The following TRPV1 variants were observed in gnomAD, a reference collection of about 807,000 sequenced individuals.
The protein encoded by TRPV1 is OTRPC1.
In TRPV1, 82 loss-of-function variants were observed where a neutral mutation model predicts 82.3. The ratio of observed to expected loss-of-function variants is 1.00; its 90% confidence interval spans 0.83 to 1.20. The LOEUF is 1.20. Ranked by LOEUF, TRPV1 falls within the 50% of genes most tolerant of loss-of-function variation. The pLI, the probability that TRPV1 is intolerant of heterozygous loss-of-function variation, is 0.00. For synonymous variants in TRPV1, 515 were observed against 467.7 expected (o/e 1.10, Z -1.30); for missense variants, 1,067 against 1,096.8 (o/e 0.97, Z 0.38).
chr17:3,582,062 T>C (rs367946360), intron 10 of TRPV1, among the ~76,000 whole-genome samples: 3,548 of 139,184 alleles, frequency 0.025, 122 homozygotes, highest in African/African-American at 0.084. Context: ...TGGTGGCGGG[T>C]GCCTGTAGTC....
In TRPV1 at chr17:3,566,447, T is replaced by C. The variant is rs921103186; in HGVS notation, c.*368A>G. On this transcript the variant is annotated 3_prime_UTR_variant, in exon 17 of 17. Transcript: ENST00000572705. Reference sequence around the variant, plus strand: ...AGGCGGAGGTTGCAGGGAGCCAAAATTGTGCCACTGCATTCCAGCCTGGGT... The same window carrying C: ...AGGCGGAGGTTGCAGGGAGCCAAAACTGTGCCACTGCATTCCAGCCTGGGT... The C allele has an allele frequency of 2.5e-5, 4 of 158,092 alleles. No individual in the cohort carries two copies. The highest frequency in any genetic ancestry group is 7.2e-5 in the African/African-American group (3 of 41,664). The allele number at this position is 158,092 out of a possible 1,614,324, so 9.8% of individuals were successfully genotyped here. A position where few individuals can be genotyped will look rare whatever the true frequency, so the allele number is the denominator to read the frequency against.
rs910574008 is a variant in TRPV1, at chr17:3,592,643, G to A, written c.-33-260C>T. The A allele has an allele frequency of 1.1e-5, 5 of 465,120 alleles. No individual in the cohort carries two copies. The East Asian group carries it at 1.2e-4, about 11-fold the overall frequency. 28.8% of individuals were successfully genotyped at this position (465,120 alleles called of 1,614,324 possible). A position where few individuals can be genotyped will look rare whatever the true frequency, so the allele number is the denominator to read the frequency against. On this transcript the variant is annotated intron_variant, in intron 2 of 16. Transcript: ENST00000572705. ...GCCTGGGAGGGTGGACAGGCCCCCG[G>A]CTCAGAGCCATCTGTGGTTCTGGGT...
intron 2 of TRPV1, among the ~76,000 whole-genome samples, chr17:3,607,431 T>C (rs1198774456): frequency 3.9e-5 from 6 of 152,174 alleles, no homozygotes; most frequent in African/African-American, 9.7e-5. Context: ...AAGGCTAGTA[T>C]TGGATCCTGC....
Position 3,571,562 on chromosome 17 carries a change from A to G in TRPV1, c.2309T>C (p.Val770Ala). 1 of 1,611,626 alleles carries G rather than the reference A, an allele frequency of 6.2e-7. No individual in the cohort carries two copies. The highest frequency in any genetic ancestry group is 8.5e-7 in the Non-Finnish European group (1 of 1,179,024). Residue 770 changes from valine to alanine, a missense_variant, in exon 16 of 17, where the codon GTC becomes GCC. Val to Ala is a moderately conservative substitution (Grantham distance 64, BLOSUM62 0). Transcript: ENST00000572705. ...CAGGGAGAAGCTCAGGGTGCGCTTG[A>G]CGCCCTCACAGTTGCCCGGGTCTTC... ...INEDPGNCEG[V>A]KRTLSFSLRS...
At position 3,584,882 on chromosome 17, in the gene TRPV1, C is replaced by T. The variant is rs941824820; in HGVS notation, c.1383+886G>A. The stretch of plus-strand genomic sequence containing the variant: ...AATTAAGTGTCCTGGGTATCAGACA[C>T]GAAGGACTAAGTCCAGAAGTTTGAT... On this transcript the variant is annotated intron_variant, in intron 9 of 16. Transcript: ENST00000572705. Among the ~76,000 whole-genome samples, 4 of 152,316 alleles carry T rather than the reference C, an allele frequency of 2.6e-5. No homozygotes were observed. In the East Asian group the frequency reaches 5.8e-4, roughly 22 times the overall value.
At chr17:3,589,087 G>A (rs561769832) in intron 7 of TRPV1, 2 of 900,760 alleles carry the variant, frequency 2.2e-6, no homozygotes, top group South Asian at 1.5e-5. Flanking sequence ...AGAGCTGGAG[G>A]CCTGTCACCA....
At chr17:3,593,118 G>C (rs745903661) in intron 2 of TRPV1, among the ~76,000 whole-genome samples, 28,182 of 100,682 alleles carry the variant, frequency 0.28, 3,135 homozygotes, top group Admixed American at 0.32. Context: ...GTGTGTGTGT[G>C]TGTGTGTGTG....
intron 16 of TRPV1, among the ~76,000 whole-genome samples, chr17:3,570,280 G>T (rs561808673): frequency 1.1e-3 from 172 of 151,730 alleles, no homozygotes; most frequent in African/African-American, 4.1e-3. Context: ...TGAGGCAGGA[G>T]AATCGCTTGA....
At chr17:3,582,817 G>A (rs532572829) in intron 10 of TRPV1, among the ~76,000 whole-genome samples, 49 of 151,888 alleles carry the variant, frequency 3.2e-4, no homozygotes, top group African/African-American at 9.9e-4. Context: ...AAAATTAGCC[G>A]GCTGTGGTGG....
At chr17:3,568,193 G>A (rs1168434468) in intron 16 of TRPV1, among the ~76,000 whole-genome samples, 2 of 151,594 alleles carry the variant, frequency 1.3e-5, no homozygotes, top group Non-Finnish European at 3.0e-5. Flanking sequence ...GTAGTGGCGG[G>A]CGCCTGTAGT....
intron 7 of TRPV1, chr17:3,589,067 C>T (rs1312691767): frequency 3.7e-6 from 4 of 1,081,674 alleles, no homozygotes; most frequent in Non-Finnish European, 5.4e-6. Context: ...GGAAGGATCA[C>T]TTGAGGCCAA....
chr17:3,576,668 A>AAAAAAAAAAAAATAT, intron 13 of TRPV1, among the ~76,000 whole-genome samples: 7 of 38,420 alleles, frequency 1.8e-4, no homozygotes, highest in Non-Finnish European at 3.2e-4. Context: ...AAAAAAAAAA[A>AAAAAAAAAAAAATAT]ATATATATAT....
At position 3,591,016 on chromosome 17, in the gene TRPV1, C is replaced by T. The variant is rs200555594; in HGVS notation, c.552G>A (p.Thr184=). The T allele has an allele frequency of 3.7e-4, 594 of 1,611,366 alleles. 3 individuals carry two copies. The East Asian group carries it at 5.8e-3, about 16-fold the overall frequency. ...CGTTGACAAGCTCCTTCAGGCTGTC[C>T]GTTTGCCGCGCGATCTCCAGGAGCA... is the stretch of plus-strand genomic sequence containing the variant. The part of the protein sequence containing the change: ...IPLLLEIARQ[T]DSLKELVNAS... The change falls in exon 5 of 17, where the codon ACG becomes ACA. Residue 184 remains threonine, a synonymous_variant. Coordinates refer to ENST00000572705, the MANE Select transcript of TRPV1 (RefSeq NM_080704.4).
Position 3,580,494 on chromosome 17 carries a change from T to C in TRPV1, c.1510A>G (p.Lys504Glu), listed in dbSNP as rs765869335. ...CTGTAGCTGTCCACAAACAGGGTCT[T>C]CATCGACGGCCGCCTCTGCAGGAAA... ...QYFLQRRPSM[K>E]TLFVDSYSEM... The change falls in exon 11 of 17, where the codon AAG becomes GAG. Residue 504 changes from lysine to glutamate, a missense_variant. Coordinates refer to ENST00000572705, the MANE Select transcript of TRPV1 (RefSeq NM_080704.4). 1 of 1,613,910 alleles carries C rather than the reference T, an allele frequency of 6.2e-7. No individual in the cohort carries two copies.
chr17:3,582,015 C>T (rs1228103502), intron 10 of TRPV1, among the ~76,000 whole-genome samples: 3 of 147,354 alleles, frequency 2.0e-5, no homozygotes, highest in South Asian at 2.2e-4. Context: ...ACGGTGAAAC[C>T]CCGTCTCTAC....
chr17:3,585,229 C>G (rs1009859798), intron 9 of TRPV1: 1 of 153,212 alleles, frequency 6.5e-6, no homozygotes, highest in African/African-American at 2.4e-5. Flanking sequence ...CAGCTCATCA[C>G]AACCTCTGCC....
chr17:3,575,258 G>A (rs895568654), intron 13 of TRPV1, among the ~76,000 whole-genome samples: 3 of 152,088 alleles, frequency 2.0e-5, no homozygotes, highest in African/African-American at 4.8e-5. Context: ...CAAGGCAGGC[G>A]GATCACCTGA....
chr17:3,591,987 C>T (rs2075164144), intron 3 of TRPV1, 80 bp downstream of exon 3: 1 of 1,524,832 alleles, frequency 6.6e-7, no homozygotes, highest in East Asian at 2.3e-5. Flanking sequence ...GACATTTAGC[C>T]CAGAAGCCAG....
intron 13 of TRPV1, among the ~76,000 whole-genome samples, chr17:3,575,810 A>G (rs566209433): frequency 2.0e-5 from 3 of 152,282 alleles, no homozygotes; most frequent in Admixed American, 2.0e-4. Flanking sequence ...ATGCCTGGCT[A>G]TAATCGTGAG....
Sources: allele counts gnomAD v4.1 joint callset (sites outside exome capture counted in the v4.1 genomes callset), GRCh38; gene constraint gnomAD v4.1.1; transcripts MANE v1.5; gene names NCBI Gene and HGNC (gene_info 2026-07-23, HGNC 2026-07-21).